The following OR6N2 variants were observed in gnomAD, a reference collection of about 807,000 sequenced individuals.
The protein encoded by OR6N2 is olfactory receptor 6N2.
For missense variants in OR6N2, 399 were observed against 379.7 expected (o/e 1.05, Z -0.42); for synonymous variants, 160 against 138.3 (o/e 1.16, Z -1.10).
intron 1 of OR6N2, 113 bp from the exon 2 acceptor site, chr1:158,777,754 ACT>A (rs1198896385): frequency 1.6e-6 from 1 of 642,946 alleles, no homozygotes; most frequent in Non-Finnish European, 2.7e-6. Flanking sequence ...TGAAATTACT[ACT>A]GTTGCCCTCA....
rs1163416055 is a variant in OR6N2, at chr1:158,776,078, A to C, written c.*604T>G. On this transcript the variant is annotated 3_prime_UTR_variant, in exon 2 of 2. Transcript: ENST00000641131. ...CGAGTATCTAGGGAGATAGCACGGC[A>C]GGACAACGAAGACTGGGAAAGACTC... is the stretch of plus-strand genomic sequence containing the variant. The C allele has an allele frequency of 6.6e-6, 1 of 152,230 alleles. No homozygotes were observed. The highest frequency in any genetic ancestry group is 1.9e-4 in the East Asian group (1 of 5,194). The allele number at this position is 152,230 out of a possible 1,614,324, so 9.4% of individuals were successfully genotyped here.
chr1:158,775,771 G>T lies in OR6N2; in HGVS notation c.*911C>A, dbSNP rs1284749738. 1 of 152,104 alleles carries T rather than the reference G, an allele frequency of 6.6e-6. No individual in the cohort carries two copies. Among genetic ancestry groups the T allele is most frequent in the Admixed American group, 6.5e-5 (1 of 15,272 alleles). 9.4% of individuals were successfully genotyped at this position (152,104 alleles called of 1,614,324 possible). A position where few individuals can be genotyped will look rare whatever the true frequency, so the allele number is the denominator to read the frequency against. On this transcript the variant is annotated 3_prime_UTR_variant, in exon 2 of 2. Transcript: ENST00000641131. ...AGATTGTTGGCATACATTAATAATT[G>T]ATTGGAATTATGGTTGTAAGAAAAG...
chr1:158,777,456 G>C lies in OR6N2; in HGVS notation c.180C>G (p.Tyr60Ter). 6.2e-7 allele frequency: 1 copy of C among 1,614,228 alleles called. No individual in the cohort carries two copies. Among genetic ancestry groups the C allele is most frequent in the South Asian group, 1.1e-5 (1 of 91,082 alleles). ...RLDAALHTPM[Y>*]HFVSVLSFLE... ...AGAAGGAAAGAACACTGACAAAGTG[G>C]TACATAGGTGTGTGCAGAGCTGCAT... Residue 60 changes from tyrosine to a stop codon, truncating the protein, a stop_gained, in exon 2 of 2, where the codon TAC (tyrosine) becomes TAG (stop). Coordinates refer to ENST00000641131, the MANE Select transcript of OR6N2 (RefSeq NM_001005278.2). LOFTEE classifies it low-confidence loss of function (END_TRUNC).
intron 1 of OR6N2, among the ~76,000 whole-genome samples, chr1:158,779,018 C>CAAAAAAAAAAAAAAAAAAAAAAAAA (rs10680954): frequency 1.2e-5 from 1 of 86,408 alleles, no homozygotes; most frequent in African/African-American, 5.6e-5. Flanking sequence ...GACTGCGTCT[C>CAAAAAAAAAAAAAAAAAAAAAAAAA]AAAAAAAAAA....
At chr1:158,780,090 C>T (rs1005034454) in intron 1 of OR6N2, among the ~76,000 whole-genome samples, 14 of 152,166 alleles carry the variant, frequency 9.2e-5, no homozygotes, top group Non-Finnish European at 1.8e-4. Context: ...CAATACAAAG[C>T]TTACAGTATT....
intron 1 of OR6N2, among the ~76,000 whole-genome samples, chr1:158,780,032 A>G (rs1657710782): frequency 1.3e-5 from 2 of 152,216 alleles, no homozygotes; most frequent in African/African-American, 4.8e-5. Flanking sequence ...AATTTAAGTT[A>G]CATTTTCTCT....
rs1247088806 is a variant in OR6N2, at chr1:158,774,983, A to G, written c.*1699T>C. 6.6e-6 allele frequency: 1 copy of G among 152,210 alleles called. No homozygotes were observed. Among genetic ancestry groups the G allele is most frequent in the Non-Finnish European group, 1.5e-5 (1 of 68,024 alleles). The allele number at this position is 152,210 out of a possible 1,614,324, so 9.4% of individuals were successfully genotyped here. ...GTAAAATTCATCACATGTTTCATTC[A>G]TTACGATTGCATTGAATACTCATCC... On this transcript the variant is annotated 3_prime_UTR_variant, in exon 2 of 2. Coordinates refer to ENST00000641131, the MANE Select transcript of OR6N2 (RefSeq NM_001005278.2).
chr1:158,778,604 A>G (rs1355014785), intron 1 of OR6N2, among the ~76,000 whole-genome samples: 4 of 152,184 alleles, frequency 2.6e-5, no homozygotes, highest in Admixed American at 2.6e-4. Flanking sequence ...GTAGACTTTT[A>G]AAACATAAGT....
In OR6N2 at chr1:158,777,551, C is replaced by G; in HGVS notation, c.85G>C (p.Val29Leu). The G allele has an allele frequency of 6.2e-7, 1 of 1,614,056 alleles. No individual in the cohort carries two copies. The highest frequency in any genetic ancestry group is 1.1e-5 in the South Asian group (1 of 91,080). ...AACAGGTATGCCAATAGCAGCAGGA[C>G]AAAAAGCCAGCCCCTGACATAGCCC... ...SVGYVRGWLF[V>L]LLLLAYLFTI... The change falls in exon 2 of 2, where the codon GTC becomes CTC. Residue 29 changes from valine (V) to leucine (L), a missense_variant. Val to Leu is a conservative substitution (Grantham distance 32). Transcript: ENST00000641131.
Position 158,777,625 on chromosome 1 carries a change from T to C in OR6N2, c.11A>G (p.Tyr4Cys), listed in dbSNP as rs371329895. ...AAATTCAGCCAGGCTTGAATGGTTG[T>C]ATTGATCCATGGGAGGCTGAGGTAA... Reference protein sequence around the residue: MDQYNHSSLAEFVF... With the variant: MDQCNHSSLAEFVF... Residue 4 changes from tyrosine (Y) to cysteine (C), a missense_variant, in exon 2 of 2, where the codon TAC becomes TGC. Physicochemically the swap from Tyr to Cys is radical, Grantham distance 194. Transcript: ENST00000641131. 3.5e-5 allele frequency: 56 copies of C among 1,609,620 alleles called. No homozygotes were observed. The African/African-American group carries it at 6.8e-4, about 20-fold the overall frequency.
In OR6N2 at chr1:158,777,084, C is replaced by A; in HGVS notation, c.552G>T (p.Leu184Phe). The change falls in exon 2 of 2, where the codon TTG becomes TTT. Residue 184 changes from leucine (L) to phenylalanine (F), a missense_variant. Coordinates refer to ENST00000641131, the MANE Select transcript of OR6N2 (RefSeq NM_001005278.2). ...IQHIFCDFPP[L>F]LSLACKDTSA... is the part of the protein sequence containing the mutation. The stretch of plus-strand genomic sequence containing the variant: ...ATGTGTCCTTGCAGGCCAAGCTCAG[C>A]AAAGGTGGAAAGTCACAGAAAATGT... The A allele has an allele frequency of 6.2e-7, 1 of 1,614,060 alleles. No individual in the cohort carries two copies. The highest frequency in any genetic ancestry group is 1.1e-5 in the South Asian group (1 of 91,074).
At chr1:158,779,314 C>A (rs1415766400) in intron 1 of OR6N2, among the ~76,000 whole-genome samples, 1 of 123,664 alleles carries the variant, frequency 8.1e-6, no homozygotes, top group African/African-American at 3.1e-5. Flanking sequence ...TGAAGAGAAC[C>A]GCCCAATTCT....
At position 158,776,935 on chromosome 1, in the gene OR6N2, C is replaced by A. The variant is rs1657613858; in HGVS notation, c.701G>T (p.Arg234Ile). 1 of 1,614,060 alleles carries A rather than the reference C, an allele frequency of 6.2e-7. No individual in the cohort carries two copies. The highest frequency in any genetic ancestry group is 8.5e-7 in the Non-Finnish European group (1 of 1,179,982). Residue 234 changes from arginine (R) to isoleucine (I), a missense_variant, in exon 2 of 2, where the codon AGA becomes ATA. By Grantham distance (97) the Arg-to-Ile change is moderately conservative. Transcript: ENST00000641131. ...GGCACAGGTAGAAAAGGCCTTCTTT[C>A]TTCCTGATGCTGTTTTTATCTTCAG... ...AVLKIKTASG[R>I]KKAFSTCASH...
In OR6N2 at chr1:158,775,418, G is replaced by T. The variant is rs1657566209; in HGVS notation, c.*1264C>A. 1 of 152,194 alleles carries T rather than the reference G, an allele frequency of 6.6e-6. No individual in the cohort carries two copies. Among genetic ancestry groups the T allele is most frequent in the South Asian group, 2.1e-4 (1 of 4,826 alleles). The allele number at this position is 152,194 out of a possible 1,614,324, so 9.4% of individuals were successfully genotyped here. On this transcript the variant is annotated 3_prime_UTR_variant, in exon 2 of 2. Transcript: ENST00000641131. ...GTAGCTAGGAAAGAGGGAGCTGAGG[G>T]AGTAGAGGTATGAATCTATGTTGAA... is the stretch of plus-strand genomic sequence containing the variant.
rs371754716 is a variant in OR6N2, at chr1:158,776,812, G to C, written c.824C>G (p.Ala275Gly). Reference protein sequence around the residue: ...SYSLTLDRTLAIVYSVLTPMV... With the variant: ...SYSLTLDRTLGIVYSVLTPMV... ...TGGTGTTAGTACGGAGTAAACTATA[G>C]CAAGTGTTCGGTCAAGGGTCAGGGA... Residue 275 changes from alanine (A) to glycine (G), a missense_variant, in exon 2 of 2, where the codon GCT becomes GGT. Ala to Gly is a moderately conservative substitution (Grantham distance 60, BLOSUM62 0). Transcript: ENST00000641131. 6.8e-6 allele frequency: 11 copies of C among 1,613,930 alleles called. No individual in the cohort carries two copies. Among genetic ancestry groups the C allele is most frequent in the African/African-American group, 1.3e-5 (1 of 74,912 alleles).
chr1:158,779,432 A>T (rs1235585683), intron 1 of OR6N2, among the ~76,000 whole-genome samples: 3 of 152,204 alleles, frequency 2.0e-5, no homozygotes, highest in African/African-American at 7.2e-5. Flanking sequence ...AACCAAACGA[A>T]TTCATTTAAA....
chr1:158,780,805 G>A (rs957667882), intron 1 of OR6N2, among the ~76,000 whole-genome samples: 2 of 152,126 alleles, frequency 1.3e-5, no homozygotes, highest in African/African-American at 2.4e-5. Flanking sequence ...ATGAATAATT[G>A]TTTTAGAAAC....
In OR6N2 at chr1:158,777,420, C is replaced by T. The variant is rs1247652715; in HGVS notation, c.216G>A (p.Trp72Ter). 2 of 1,614,102 alleles carry T rather than the reference C, an allele frequency of 1.2e-6. No individual in the cohort carries two copies. Among genetic ancestry groups the T allele is most frequent in the Non-Finnish European group, 1.7e-6 (2 of 1,179,992 alleles). Residue 72 changes from tryptophan to a stop codon, truncating the protein, a stop_gained, in exon 2 of 2, where the codon TGG becomes TGA. Coordinates refer to ENST00000641131, the MANE Select transcript of OR6N2 (RefSeq NM_001005278.2). LOFTEE classifies it low-confidence loss of function (END_TRUNC). ...TCTTAGGGATAGTGGTAGCTGTATACCACAACTCCAAGAAGGAAAGAACAC... is the reference window on the plus strand; with the variant it reads ...TCTTAGGGATAGTGGTAGCTGTATATCACAACTCCAAGAAGGAAAGAACAC... The part of the protein sequence containing the change: ...FVSVLSFLEL[W>*]YTATTIPKML...
intron 1 of OR6N2, among the ~76,000 whole-genome samples, chr1:158,778,266 A>T (rs1377415948): frequency 2.0e-5 from 3 of 152,218 alleles, no homozygotes; most frequent in African/African-American, 4.8e-5. Context: ...AGAAGCAGAC[A>T]TCTCAATAGG....
Sources: allele counts gnomAD v4.1 joint callset (sites outside exome capture counted in the v4.1 genomes callset), GRCh38; gene constraint gnomAD v4.1.1; transcripts MANE v1.5; gene names NCBI Gene and HGNC (gene_info 2026-07-23, HGNC 2026-07-21).